The following PRKD3 variants were observed in gnomAD, a reference collection of about 807,000 sequenced individuals.
PRKD3 encodes serine/threonine-protein kinase D3.
A neutral mutation model predicts 99.2 loss-of-function variants in PRKD3; 47 were observed. That is an observed-to-expected ratio of 0.47 (90% CI 0.38 to 0.60). The LOEUF is 0.60. Ranked by LOEUF, PRKD3 falls within the 20% of genes least tolerant of loss-of-function variation. The pLI, the probability that PRKD3 is intolerant of heterozygous loss-of-function variation, is 0.00. For synonymous variants in PRKD3, 392 were observed against 355.4 expected (o/e 1.10, Z -1.16); for missense variants, 1,019 against 1,088.4 (o/e 0.94, Z 0.90).
chr2:37,314,877 A>G (rs1205160759), intron 2 of PRKD3, among the ~76,000 whole-genome samples: 2 of 152,196 alleles, frequency 1.3e-5, no homozygotes, highest in Admixed American at 6.5e-5. Context: ...GAAGGATACA[A>G]TGCTCTACAG....
rs147688401 is a variant in PRKD3 at position 37,280,862 on chromosome 2, G to T, written c.989-933C>A. Among the ~76,000 whole-genome samples the T allele has an allele frequency of 1.2e-4, 18 of 152,310 alleles. No individual in the cohort carries two copies. The East Asian group carries it at 3.5e-3, about 29-fold the overall frequency. On this transcript the variant is annotated intron_variant, in intron 7 of 18. Coordinates refer to ENST00000234179, the MANE Select transcript of PRKD3 (RefSeq NM_005813.6). ...GAAAATATAAGCAAATCATATGCCA[G>T]ATAAGGGACTAGTATCCAGGGTATT...
At chr2:37,313,308 T>C (rs1268414181) in intron 2 of PRKD3, among the ~76,000 whole-genome samples, 1 of 150,970 alleles carries the variant, frequency 6.6e-6, no homozygotes, top group Non-Finnish European at 1.5e-5. Context: ...TGGATACAGA[T>C]TGCTGACCCC....
intron 9 of PRKD3, among the ~76,000 whole-genome samples, chr2:37,277,279 G>A (rs866504199): frequency 6.6e-6 from 1 of 151,996 alleles, no homozygotes; most frequent in African/African-American, 2.4e-5. Context: ...TTTTACACAA[G>A]GAAACAAAAG....
chr2:37,316,371 T>G lies in PRKD3; in HGVS notation c.154A>C (p.Asn52His), dbSNP rs1671656866. ...NGSFSAPSLT[N>H]SRGSVHTVSF... ...ACTGTATGCACTGAGCCTCTGGAGT[T>G]GGTGAGTGATGGTGCACTGAAGCTT... Residue 52 changes from asparagine (N) to histidine (H), a missense_variant, in exon 2 of 19, where the codon AAC (asparagine) becomes CAC (histidine). Asn to His is a moderately conservative substitution (Grantham distance 68, BLOSUM62 1). Transcript: ENST00000234179. The G allele has an allele frequency of 8.1e-6, 13 of 1,614,038 alleles. No homozygotes were observed. Among genetic ancestry groups the G allele is most frequent in the Non-Finnish European group, 1.0e-5 (12 of 1,180,036 alleles).
intron 2 of PRKD3, among the ~76,000 whole-genome samples, chr2:37,303,460 G>C (rs754802552): frequency 1.1e-4 from 17 of 152,110 alleles, no homozygotes; most frequent in Non-Finnish European, 2.1e-4. Flanking sequence ...AGACCTAAGA[G>C]AGTATTATAT....
At chr2:37,267,903 A>T in intron 13 of PRKD3, 1 of 213,700 alleles carries the variant, frequency 4.7e-6, no homozygotes, top group South Asian at 7.2e-5. Flanking sequence ...AGATTCAATG[A>T]GTCAGCACAG....
Position 37,253,312 on chromosome 2 carries a change from A to G in PRKD3, c.2538T>C (p.Thr846=), listed in dbSNP as rs765963451. Residue 846 remains threonine (T), a synonymous_variant, in exon 19 of 19, where the codon ACT becomes ACC. Transcript: ENST00000234179. ...GTGTAATGTAACGTTCTCCAATGCG[A>G]GTTTCAAATTCTCTAAGGTCAAGCC... ...QTWLDLREFE[T]RIGERYITHE... is the part of the protein sequence containing the mutation. 1 of 1,613,078 alleles carries G rather than the reference A, an allele frequency of 6.2e-7. No homozygotes were observed. Among genetic ancestry groups the G allele is most frequent in the South Asian group, 1.1e-5 (1 of 90,898 alleles).
intron 1 of PRKD3, chr2:37,324,186 C>T (rs1389675327): frequency 1.0e-6 from 1 of 985,332 alleles, no homozygotes; most frequent in African/African-American, 1.7e-5. Flanking sequence ...TCTCCAAGCA[C>T]CATTTACTCA....
At chr2:37,294,733 C>G (rs1157250259) in intron 2 of PRKD3, among the ~76,000 whole-genome samples, 1 of 151,864 alleles carries the variant, frequency 6.6e-6, no homozygotes, top group Non-Finnish European at 1.5e-5. Flanking sequence ...TCTTCATAAC[C>G]TAGTTACAAA....
intron 12 of PRKD3, among the ~76,000 whole-genome samples, chr2:37,270,978 C>T (rs571699125): frequency 4.6e-5 from 7 of 152,256 alleles, no homozygotes; most frequent in Admixed American, 1.3e-4. Context: ...TGATATTCCT[C>T]CTTATCTCCC....
chr2:37,317,345 T>A (rs925506513), intron 1 of PRKD3, among the ~76,000 whole-genome samples, 166 bp from the exon 2 acceptor site: 2 of 152,248 alleles, frequency 1.3e-5, no homozygotes, highest in African/African-American at 2.4e-5. Context: ...AGACTTTTTT[T>A]ACTATAAGTA....
chr2:37,256,481 G>C (rs755191622), intron 17 of PRKD3, among the ~76,000 whole-genome samples, 181 bp downstream of exon 17: 2 of 152,094 alleles, frequency 1.3e-5, no homozygotes, highest in Non-Finnish European at 2.9e-5. Context: ...AGAAGACACA[G>C]ATAAAAGTAT....
intron 2 of PRKD3, among the ~76,000 whole-genome samples, chr2:37,295,073 C>T (rs1409698506): frequency 2.0e-5 from 3 of 151,986 alleles, no homozygotes; most frequent in Admixed American, 6.6e-5. Flanking sequence ...AATGAGGCTC[C>T]GTCACAAACA....
intron 16 of PRKD3, among the ~76,000 whole-genome samples, chr2:37,258,250 AC>A (rs1475074007): frequency 6.6e-6 from 1 of 152,240 alleles, no homozygotes; most frequent in African/African-American, 2.4e-5. Context: ...GTGGACTCTG[AC>A]ACATATTTTT....
At chr2:37,322,458 G>C (rs925341787) in intron 1 of PRKD3, among the ~76,000 whole-genome samples, 2 of 145,510 alleles carry the variant, frequency 1.4e-5, no homozygotes, top group African/African-American at 4.9e-5. Context: ...TCCACTGTCA[G>C]AGAGTACTGA....
At position 37,290,890 on chromosome 2, in the gene PRKD3, T is replaced by A; in HGVS notation, c.537A>T (p.Val179=). The change falls in exon 4 of 19, where the codon GTA becomes GTT. Residue 179 remains valine, a synonymous_variant. Transcript: ENST00000234179. ...DYCGEMLWGL[V]RQGLKCEGCG... ...CACCTTCACATTTCAGTCCTTGACG[T>A]ACCAATCCCCAGAGCATCTCACCAC... The A allele has an allele frequency of 6.2e-7, 1 of 1,606,094 alleles. No individual in the cohort carries two copies. Among genetic ancestry groups the A allele is most frequent in the Non-Finnish European group, 8.5e-7 (1 of 1,173,468 alleles).
rs183372759 is a variant in PRKD3 at position 37,264,148 on chromosome 2, G to A, written c.1884+3282C>T. On this transcript the variant is annotated intron_variant, in intron 14 of 18. Coordinates refer to ENST00000234179, the MANE Select transcript of PRKD3 (RefSeq NM_005813.6). ...CTGCTCTACAACATCCTCCCTAGATGTGGCCAGGTTGACAGTTTATGTAGG... is the reference window on the plus strand; with the variant it reads ...CTGCTCTACAACATCCTCCCTAGATATGGCCAGGTTGACAGTTTATGTAGG... Among the ~76,000 whole-genome samples, 10 of 152,190 alleles carry A rather than the reference G, an allele frequency of 6.6e-5. No homozygotes were observed. In the South Asian group the frequency reaches 8.3e-4, roughly 13 times the overall value.
chr2:37,261,189 TA>T (rs1438974618), intron 14 of PRKD3, among the ~76,000 whole-genome samples: 4 of 152,244 alleles, frequency 2.6e-5, no homozygotes, highest in Admixed American at 2.6e-4. Flanking sequence ...TTTTATTCCT[TA>T]TTAATAAAGA....
chr2:37,324,772 T>C lies in PRKD3; in HGVS notation c.-747A>G, dbSNP rs993254727. On this transcript the variant is annotated 5_prime_UTR_variant, in exon 1 of 19. Coordinates refer to ENST00000234179, the MANE Select transcript of PRKD3 (RefSeq NM_005813.6). ...GCGAGGCTTCACGCGCCTCGCAGGATCCCGCCCGCCTCCGGCGCCCCTTCC... is the reference window on the plus strand; with the variant it reads ...GCGAGGCTTCACGCGCCTCGCAGGACCCCGCCCGCCTCCGGCGCCCCTTCC... The C allele has an allele frequency of 6.6e-6, 1 of 150,836 alleles. No individual in the cohort carries two copies. Among genetic ancestry groups the C allele is most frequent in the African/African-American group, 2.4e-5 (1 of 41,194 alleles). The allele number at this position is 150,836 out of a possible 1,614,324, so 9.3% of individuals were successfully genotyped here. A position where few individuals can be genotyped will look rare whatever the true frequency, so the allele number is the denominator to read the frequency against.
Sources: gnomAD v4.1 joint callset for allele counts (sites outside exome capture counted in the v4.1 genomes callset) on GRCh38, gnomAD v4.1.1 for gene constraint, MANE v1.5 for transcripts, NCBI Gene and HGNC (gene_info 2026-07-23, HGNC 2026-07-21) for gene names.